MDGA2: variants seen among roughly 807,000 people sequenced by gnomAD.
The protein encoded by MDGA2 is MAM domain containing glycosylphosphatidylinositol anchor 2.
MDGA2 carries 40 observed loss-of-function variants against 117.8 expected under a neutral mutation model. That is an observed-to-expected ratio of 0.34 (90% confidence interval 0.26 to 0.44). The LOEUF (loss-of-function observed/expected upper bound fraction) is 0.44, where lower values mean the gene tolerates loss of function less well. Ranked by LOEUF, MDGA2 falls within the 20% of genes least tolerant of loss-of-function variation. The pLI, the probability that MDGA2 is intolerant of heterozygous loss-of-function variation, is 1.00. For missense variants in MDGA2, 1,123 were observed against 1,250.6 expected (o/e 0.90, Z 1.54); for synonymous variants, 452 against 439.0 (o/e 1.03, Z -0.37).
chr14:47,187,309 A>G (rs748357350), intron 3 of MDGA2, among the ~76,000 whole-genome samples: 8 of 152,054 alleles, frequency 5.3e-5, no homozygotes, highest in Non-Finnish European at 1.0e-4. Flanking sequence ...GTAATTTAAA[A>G]GTTTAAACTT....
chr14:47,516,706 A>C (rs1345090097), intron 1 of MDGA2, among the ~76,000 whole-genome samples: 1 of 152,198 alleles, frequency 6.6e-6, no homozygotes, highest in Non-Finnish European at 1.5e-5. Context: ...GGCATAGCTG[A>C]AGCACTGCAG....
intron 7 of MDGA2, among the ~76,000 whole-genome samples, chr14:47,037,060 A>C (rs940381623): frequency 6.6e-6 from 1 of 152,202 alleles, no homozygotes; most frequent in Admixed American, 6.5e-5. Context: ...GGTATACATA[A>C]ACAATTAAAT....
intron 8 of MDGA2, among the ~76,000 whole-genome samples, chr14:46,962,341 T>G (rs1295928743): frequency 6.6e-6 from 1 of 152,150 alleles, no homozygotes; most frequent in African/African-American, 2.4e-5. Flanking sequence ...AGTGGGAATG[T>G]GTAGATTGGG....
chr14:47,102,002 C>T (rs983517434), intron 5 of MDGA2, among the ~76,000 whole-genome samples: 1 of 152,126 alleles, frequency 6.6e-6, no homozygotes, highest in Non-Finnish European at 1.5e-5. Context: ...AAAGAAAACA[C>T]TATTTTAGCA....
intron 14 of MDGA2, among the ~76,000 whole-genome samples, chr14:46,867,533 A>G (rs2065740235): frequency 6.6e-6 from 1 of 152,150 alleles, no homozygotes; most frequent in Non-Finnish European, 1.5e-5. Flanking sequence ...CCTAAAACTT[A>G]AAGTATAATA....
At chr14:46,851,938 A>G (rs1437288800) in intron 15 of MDGA2, among the ~76,000 whole-genome samples, 2 of 151,774 alleles carry the variant, frequency 1.3e-5, no homozygotes, top group Non-Finnish European at 2.9e-5. Flanking sequence ...AACAATTCAA[A>G]ACAAATTTCT....
At chr14:47,377,257 G>A (rs1392071428) in intron 1 of MDGA2, among the ~76,000 whole-genome samples, 1 of 152,116 alleles carries the variant, frequency 6.6e-6, no homozygotes. Context: ...ATTCCAAGAT[G>A]GCCAAATAGA....
At chr14:47,353,862 T>C (rs1293904056) in intron 1 of MDGA2, among the ~76,000 whole-genome samples, 1 of 151,992 alleles carries the variant, frequency 6.6e-6, no homozygotes, top group Non-Finnish European at 1.5e-5. Flanking sequence ...AAAAGAAAAC[T>C]ACAGGCCAAT....
chr14:47,645,501 T>G (rs1274979313), intron 1 of MDGA2, among the ~76,000 whole-genome samples: 2 of 151,980 alleles, frequency 1.3e-5, no homozygotes, highest in African/African-American at 4.8e-5. Flanking sequence ...CCCAAAGTGC[T>G]GGGATTACAG....
intron 14 of MDGA2, among the ~76,000 whole-genome samples, chr14:46,858,520 CG>C (rs1423485407): frequency 2.0e-5 from 3 of 150,816 alleles, no homozygotes; most frequent in East Asian, 3.9e-4. Flanking sequence ...CTCCGCCTCC[CG>C]GGTTCACGCC....
chr14:46,987,648 C>A (rs1886910383), intron 8 of MDGA2, among the ~76,000 whole-genome samples: 1 of 152,066 alleles, frequency 6.6e-6, no homozygotes, highest in Admixed American at 6.6e-5. Context: ...TTTAATTAAG[C>A]TCCTAAATAT....
intron 8 of MDGA2, among the ~76,000 whole-genome samples, chr14:47,026,226 C>T (rs1888468523): frequency 1.3e-5 from 2 of 152,210 alleles, no homozygotes; most frequent in East Asian, 1.9e-4. Flanking sequence ...GGATTAAACA[C>T]TCTAGTAAAT....
intron 3 of MDGA2, among the ~76,000 whole-genome samples, chr14:47,158,413 T>C (rs1883497731): frequency 6.6e-6 from 1 of 151,544 alleles, no homozygotes; most frequent in Non-Finnish European, 1.5e-5. Context: ...TGTACGCATA[T>C]AATGTATACA....
At chr14:47,648,043 A>G (rs79698986) in intron 1 of MDGA2, among the ~76,000 whole-genome samples, 9,866 of 152,186 alleles carry the variant, frequency 0.065, 1,061 homozygotes, top group African/African-American at 0.22. Flanking sequence ...ATAAACTATG[A>G]CTAACCACTT....
chr14:47,111,161 C>G (rs79819661), intron 5 of MDGA2, among the ~76,000 whole-genome samples: 1 of 152,056 alleles, frequency 6.6e-6, no homozygotes. Context: ...ACTATTATTA[C>G]TTTATTTTAT....
rs78767414 is a variant in MDGA2 at position 47,602,759 on chromosome 14, T to C, written c.280+71758A>G. Among the ~76,000 whole-genome samples the C allele has an allele frequency of 9.6e-3, 1,457 of 152,290 alleles. 12 individuals carry two copies. Among genetic ancestry groups the C allele is most frequent in the Non-Finnish European group, 0.016 (1,112 of 68,012 alleles). On this transcript the variant is annotated intron_variant, in intron 1 of 16. Coordinates refer to ENST00000399232, the MANE Select transcript of MDGA2 (RefSeq NM_001113498.3). ...ACAAAAGAGAGAGCTTGGTGAAAAGTAGCCCAACATATACATTTCCCTTAT... is the reference window on the plus strand; with the variant it reads ...ACAAAAGAGAGAGCTTGGTGAAAAGCAGCCCAACATATACATTTCCCTTAT...
chr14:47,083,085 A>C (rs1890767500), intron 6 of MDGA2, among the ~76,000 whole-genome samples: 1 of 151,990 alleles, frequency 6.6e-6, no homozygotes, highest in South Asian at 2.1e-4. Flanking sequence ...AAATACGTAA[A>C]GCTCAGTGAA....
intron 14 of MDGA2, among the ~76,000 whole-genome samples, chr14:46,859,433 T>C (rs1881418458): frequency 6.6e-6 from 1 of 152,192 alleles, no homozygotes; most frequent in South Asian, 2.1e-4. Context: ...TGCATATCTT[T>C]TTTCTTTCTG....
intron 1 of MDGA2, among the ~76,000 whole-genome samples, chr14:47,659,030 G>C (rs1324804803): frequency 6.6e-6 from 1 of 152,058 alleles, no homozygotes. Context: ...CCTTCCACTT[G>C]GGGTCGGTTT....
Sources: gnomAD v4.1 joint callset for allele counts (sites outside exome capture counted in the v4.1 genomes callset) on GRCh38, gnomAD v4.1.1 for gene constraint, MANE v1.5 for transcripts, NCBI Gene and HGNC (gene_info 2026-07-23, HGNC 2026-07-21) for gene names.